FMNL2: variants seen among roughly 807,000 people sequenced by gnomAD.
FMNL2 encodes formin like 2, also known as formin-like protein 2.
In FMNL2, 51 loss-of-function variants were observed where a neutral mutation model predicts 130.2. The ratio of observed to expected loss-of-function variants is 0.39; its 90% CI spans 0.31 to 0.49. The LOEUF (loss-of-function observed/expected upper bound fraction) is 0.49. Among genes scored for constraint, FMNL2 ranks in the 20% least tolerant of loss-of-function variants. The probability of loss-of-function intolerance (pLI) is 0.85; values close to 1 mark genes in which losing one functional copy is unlikely to be tolerated. For missense variants in FMNL2, 977 were observed against 1,316.2 expected (o/e 0.74, Z 3.99); for synonymous variants, 465 against 467.1 (o/e 1.00, Z 0.06).
At chr2:152,348,901 C>T (rs1255600225) in intron 1 of FMNL2, among the ~76,000 whole-genome samples, 1 of 127,032 alleles carries the variant, frequency 7.9e-6, no homozygotes, top group Non-Finnish European at 1.6e-5. Flanking sequence ...GTGGCACAAT[C>T]TCGGCTCACT....
At chr2:152,429,843 G>A (rs2106083474) in intron 1 of FMNL2, among the ~76,000 whole-genome samples, 1 of 152,242 alleles carries the variant, frequency 6.6e-6, no homozygotes, top group Non-Finnish European at 1.5e-5. Context: ...TTTCTTCTCT[G>A]TAATATGAAG....
At chr2:152,643,326 T>C in intron 25 of FMNL2, 1 of 1,488,902 alleles carries the variant, frequency 6.7e-7, no homozygotes, top group Non-Finnish European at 9.0e-7. Context: ...TCCCCAGGTA[T>C]GATTAACAAT....
chr2:152,569,108 A>G (rs867463058), intron 6 of FMNL2, among the ~76,000 whole-genome samples: 1 of 81,880 alleles, frequency 1.2e-5, no homozygotes, highest in African/African-American at 5.6e-5. Context: ...CCCCCGCCCC[A>G]ATCTTTTTTT....
intron 3 of FMNL2, among the ~76,000 whole-genome samples, chr2:152,544,666 T>C (rs1694519021): frequency 6.6e-6 from 1 of 152,160 alleles, no homozygotes; most frequent in South Asian, 2.1e-4. Context: ...ACTGAGACCT[T>C]TCCTCATGCA....
intron 9 of FMNL2, among the ~76,000 whole-genome samples, chr2:152,606,387 A>G (rs1191880016): frequency 6.6e-6 from 1 of 152,218 alleles, no homozygotes; most frequent in Non-Finnish European, 1.5e-5. Flanking sequence ...AACCAAGGAC[A>G]TTGACAGAAT....
At chr2:152,589,318 CA>C (rs200065412) in intron 9 of FMNL2, among the ~76,000 whole-genome samples, 1 of 113,172 alleles carries the variant, frequency 8.8e-6, no homozygotes, top group Non-Finnish European at 2.1e-5. Flanking sequence ...AAAAAACAAA[CA>C]AAAAAAACAA....
intron 1 of FMNL2, among the ~76,000 whole-genome samples, chr2:152,387,226 GT>G (rs1388560290): frequency 1.3e-5 from 2 of 152,276 alleles, no homozygotes; most frequent in Non-Finnish European, 2.9e-5. Flanking sequence ...TAAAGTTTTA[GT>G]TTAACAGACC....
intron 1 of FMNL2, among the ~76,000 whole-genome samples, chr2:152,408,833 C>A (rs1394168399): frequency 1.3e-5 from 2 of 152,072 alleles, no homozygotes; most frequent in African/African-American, 4.8e-5. Flanking sequence ...CGTATGGGTA[C>A]TGGAATTATG....
chr2:152,545,980 C>T lies in FMNL2; in HGVS notation c.283-3041C>T, dbSNP rs79724482. 8.1e-3 allele frequency among the ~76,000 whole-genome samples: 1,238 copies of T among 152,218 alleles called. 21 individuals carry two copies. Among genetic ancestry groups the T allele is most frequent in the African/African-American group, 0.029 (1,186 of 41,518 alleles). On this transcript the variant is annotated intron_variant, in intron 3 of 25. Transcript: ENST00000288670. ...TAGTGCCTAGGTAGCATAGTCAGTG[C>T]CCAAAAACAGCGCTGCTGCTGTTAT...
chr2:152,415,435 G>C (rs556750899), intron 1 of FMNL2, among the ~76,000 whole-genome samples: 1 of 152,310 alleles, frequency 6.6e-6, no homozygotes, highest in South Asian at 2.1e-4. Flanking sequence ...CTTGTTGTAG[G>C]GAGAAGGTGA....
chr2:152,379,719 C>T (rs1684359221), intron 1 of FMNL2, among the ~76,000 whole-genome samples: 1 of 152,172 alleles, frequency 6.6e-6, no homozygotes, highest in African/African-American at 2.4e-5. Context: ...GGTGCCCTGT[C>T]AATAGCTTTA....
chr2:152,593,860 A>AGAGAGAGAGAGT (rs1365489869), intron 9 of FMNL2, among the ~76,000 whole-genome samples: 1 of 113,294 alleles, frequency 8.8e-6, no homozygotes, highest in Non-Finnish European at 1.7e-5. Flanking sequence ...AGAGAGAGAG[A>AGAGAGAGAGAGT]GTGTGTGTGT....
intron 1 of FMNL2, among the ~76,000 whole-genome samples, chr2:152,367,235 C>A (rs1683612330): frequency 6.6e-6 from 1 of 152,006 alleles, no homozygotes; most frequent in South Asian, 2.1e-4. Flanking sequence ...GCTGCCACTC[C>A]CAGCTAATTT....
chr2:152,639,696 C>T (rs1338547116), intron 23 of FMNL2, among the ~76,000 whole-genome samples: 1 of 152,106 alleles, frequency 6.6e-6, no homozygotes, highest in African/African-American at 2.4e-5. Context: ...GGGACAGAGA[C>T]TAAGAGAAAG....
At chr2:152,369,865 A>G (rs1316541630) in intron 1 of FMNL2, among the ~76,000 whole-genome samples, 5 of 152,050 alleles carry the variant, frequency 3.3e-5, no homozygotes, top group South Asian at 4.1e-4. Flanking sequence ...TTGATTATTT[A>G]TATGCATTTC....
chr2:152,390,302 G>A, intron 1 of FMNL2: 1 of 1,290,666 alleles, frequency 7.7e-7, no homozygotes, highest in Non-Finnish European at 1.1e-6. Flanking sequence ...TCGATGGGGA[G>A]CTCTACAACG....
Position 152,619,552 on chromosome 2 carries a change from G to GCCCCCCCCCCCCC in FMNL2, c.1676_1677insCCCCCCCCCCCCC (p.Pro564SerfsTer21), listed in dbSNP as rs1553488328. The GCCCCCCCCCCCCC allele has an allele frequency of 9.9e-6, 14 of 1,417,834 alleles. No homozygotes were observed. The highest frequency in any genetic ancestry group is 3.8e-5 in the South Asian group (3 of 79,038). The allele number at this position is 1,417,834 out of a possible 1,614,324, so 87.8% of individuals were successfully genotyped here. ...CACCACCTATGCCACCGCCGCCGCC[G>GCCCCCCCCCCCCC]CCCCCTCCTCCACCTCCTCCTCCCC... On this transcript the variant is annotated frameshift_variant, in exon 15 of 26. Transcript: ENST00000288670. LOFTEE classifies it high-confidence loss of function.
chr2:152,617,294 T>C (rs1468488912), intron 13 of FMNL2, 102 bp downstream of exon 13: 1 of 993,816 alleles, frequency 1.0e-6, no homozygotes, highest in Non-Finnish European at 1.5e-6. Flanking sequence ...AGGAATGCAT[T>C]GATGCAGCAT....
chr2:152,389,836 C>T, intron 1 of FMNL2: 1 of 1,172,802 alleles, frequency 8.5e-7, no homozygotes, highest in Non-Finnish European at 1.3e-6. Context: ...GGCAAAGAAG[C>T]TTATCATACA....
Sources: allele counts gnomAD v4.1 joint callset (sites outside exome capture counted in the v4.1 genomes callset), GRCh38; gene constraint gnomAD v4.1.1; transcripts MANE v1.5; gene names NCBI Gene and HGNC (gene_info 2026-07-23, HGNC 2026-07-21).